Variants in RBFA observed in about 807,000 individuals in gnomAD.
RBFA encodes putative ribosome-binding factor A, mitochondrial.
In RBFA, 16 loss-of-function variants were observed where a neutral mutation model predicts 27.9. The ratio of observed to expected loss-of-function variants is 0.57; its 90% CI spans 0.39 to 0.87. RBFA has a LOEUF of 0.87. Among genes scored for constraint, RBFA ranks in the 40% least tolerant of loss-of-function variants. RBFA has a pLI of 0.00. For missense variants in RBFA, 456 were observed against 432.1 expected, an observed-to-expected ratio of 1.06 and a Z score of -0.49; for synonymous variants, 181 against 181.0, an observed-to-expected ratio of 1.00 and a Z score of 0.00.
At chr18:80,044,648 C>T (rs951930347) in intron 6 of RBFA, among the ~76,000 whole-genome samples, 1 of 152,222 alleles carries the variant, frequency 6.6e-6, no homozygotes, top group African/African-American at 2.4e-5. Context: ...GGGAGGCCGA[C>T]AGGAAGCAGT....
At position 80,046,351 on chromosome 18, in the gene RBFA, T is replaced by A. The variant is rs2052054388; in HGVS notation, c.*196T>A. 3.3e-6 allele frequency: 2 copies of A among 611,528 alleles called. No homozygotes were observed. The highest frequency in any genetic ancestry group is 6.4e-5 in the Admixed American group (2 of 31,284). The allele number at this position is 611,528 out of a possible 1,614,324, so 37.9% of individuals were successfully genotyped here. A position where few individuals can be genotyped will look rare whatever the true frequency, so the allele number is the denominator to read the frequency against. On this transcript the variant is annotated 3_prime_UTR_variant, in exon 7 of 7. Transcript: ENST00000306735. Reference sequence around the variant, plus strand: ...TTTTTTTCCATGCACTGTGTGTAATTTAAAAATTAAATGGCCATCTTATCA... The same window carrying A: ...TTTTTTTCCATGCACTGTGTGTAATATAAAAATTAAATGGCCATCTTATCA...
At chr18:80,043,447 C>T (rs548992329) in intron 5 of RBFA, among the ~76,000 whole-genome samples, 98 of 152,332 alleles carry the variant, frequency 6.4e-4, no homozygotes, top group African/African-American at 2.2e-3. Flanking sequence ...GAATCAGGGA[C>T]AGTTCAGGTC....
At position 80,037,425 on chromosome 18, in the gene RBFA, C is replaced by T. The variant is rs1002310232; in HGVS notation, c.297C>T (p.Leu99=). 1 of 1,613,990 alleles carries T rather than the reference C, an allele frequency of 6.2e-7. No individual in the cohort carries two copies. Among genetic ancestry groups the T allele is most frequent in the Non-Finnish European group, 8.5e-7 (1 of 1,180,028 alleles). Residue 99 remains leucine (L), a synonymous_variant, in exon 3 of 7, where the codon CTC becomes CTT. Transcript: ENST00000306735. ...CGCGCCTGAGGGCCCTGAACGGCCT[C>T]CTCTATAAGGCACTGACAGACCTGC... ...DHARLRALNG[L]LYKALTDLLC... is the part of the protein sequence containing the mutation.
In RBFA at chr18:80,048,420, A is replaced by G. The variant is rs1168234772; in HGVS notation, c.*2265A>G. 1.3e-5 allele frequency among the ~76,000 whole-genome samples: 2 copies of G among 152,210 alleles called. No homozygotes were observed. Among genetic ancestry groups the G allele is most frequent in the Non-Finnish European group, 2.9e-5 (2 of 68,038 alleles). ...GTGTCCTTTGCATACACACCTTTGC[A>G]TGCATCTGATGTGCCCAGGCTGTGT... On this transcript the variant is annotated 3_prime_UTR_variant, in exon 7 of 7. Transcript: ENST00000306735.
rs1190518854 is a variant in RBFA, at chr18:80,050,637, C to G, written c.*4482C>G. Among the ~76,000 whole-genome samples, 2 of 152,202 alleles carry G rather than the reference C, an allele frequency of 1.3e-5. No homozygotes were observed. Among genetic ancestry groups the G allele is most frequent in the East Asian group, 1.9e-4 (1 of 5,202 alleles). On this transcript the variant is annotated 3_prime_UTR_variant, in exon 7 of 7. Coordinates refer to ENST00000306735, the MANE Select transcript of RBFA (RefSeq NM_024805.3). ...GGCAAGATACTGAAATAAATTAATTCTGTATTTCTAAAAATAATTTCATAC... is the reference window on the plus strand; with the variant it reads ...GGCAAGATACTGAAATAAATTAATTGTGTATTTCTAAAAATAATTTCATAC...
At chr18:80,037,610 C>T in intron 3 of RBFA, 104 bp downstream of exon 3, 1 of 1,098,870 alleles carries the variant, frequency 9.1e-7, no homozygotes, top group Non-Finnish European at 1.3e-6. Context: ...ACGCTTTAGA[C>T]TGGGCGCGGT....
At chr18:80,042,243 TA>T in intron 5 of RBFA, 24 bp downstream of exon 5, 1 of 1,515,072 alleles carries the variant, frequency 6.6e-7, no homozygotes, top group Non-Finnish European at 8.9e-7. Flanking sequence ...AAAAACTTTT[TA>T]AAATTTAAAA....
rs1244961313 is a variant in RBFA, at chr18:80,034,516, G to T, written c.21G>T (p.Gly7=). ...GCGCCATGTGGGCTGCGGCGGGCGGGCTGTGGCGCTCCCGCGCGGGTCTCC... is the reference window on the plus strand; with the variant it reads ...GCGCCATGTGGGCTGCGGCGGGCGGTCTGTGGCGCTCCCGCGCGGGTCTCC... The part of the protein sequence containing the change: MWAAAG[G]LWRSRAGLRA... Residue 7 remains glycine, a synonymous_variant, in exon 1 of 7, where the codon GGG becomes GGT. Transcript: ENST00000306735. 5 of 1,584,758 alleles carry T rather than the reference G, an allele frequency of 3.2e-6. No individual in the cohort carries two copies. Among genetic ancestry groups the T allele is most frequent in the African/African-American group, 1.4e-5 (1 of 71,814 alleles).
In RBFA at chr18:80,034,552, C is replaced by A. The variant is rs776947267; in HGVS notation, c.57C>A (p.Phe19Leu). 16 of 1,608,432 alleles carry A rather than the reference C, an allele frequency of 9.9e-6. No homozygotes were observed. The highest frequency in any genetic ancestry group is 1.3e-5 in the Non-Finnish European group (15 of 1,178,912). Residue 19 changes from phenylalanine to leucine, a missense_variant, in exon 1 of 7, where the codon TTC becomes TTA. Transcript: ENST00000306735. ...WRSRAGLRAL[F>L]RSRDAALFPG... ...CCCGCGCGGGTCTCCGGGCCCTGTT[C>A]CGTAGCCGCGATGCTGCGCTATTTC...
rs1370909286 is a variant in RBFA, at chr18:80,044,239, T to C, written c.604T>C (p.Phe202Leu). The part of the protein sequence containing the change: ...ELDQLLAVAD[F>L]GPRDERDNFV... ...TGATCAGTTACTGGCAGTCGCAGAC[T>C]TTGGACCCCGGGATGAAAGAGACAA... Residue 202 changes from phenylalanine to leucine, a missense_variant, in exon 6 of 7, where the codon TTT (phenylalanine) becomes CTT (leucine). Physicochemically the swap from Phe to Leu is conservative, Grantham distance 22. Coordinates refer to ENST00000306735, the MANE Select transcript of RBFA (RefSeq NM_024805.3). 1.2e-6 allele frequency: 2 copies of C among 1,614,244 alleles called. No individual in the cohort carries two copies. Among genetic ancestry groups the C allele is most frequent in the Middle Eastern group, 1.6e-4 (1 of 6,062 alleles).
chr18:80,034,448 G>A lies in RBFA; in HGVS notation c.-48G>A. On this transcript the variant is annotated 5_prime_UTR_variant, in exon 1 of 7. Transcript: ENST00000306735. ...ACCCTCGCGTCAGTTGTCGCTCCGC[G>A]CCTGCGCCCGTTGTCTCCCTGCTCG... is the stretch of plus-strand genomic sequence containing the variant. 1.4e-6 allele frequency: 2 copies of A among 1,428,294 alleles called. No individual in the cohort carries two copies. The highest frequency in any genetic ancestry group is 3.4e-5 in the Admixed American group (1 of 29,498). The allele number at this position is 1,428,294 out of a possible 1,614,324, so 88.5% of individuals were successfully genotyped here. A position where few individuals can be genotyped will look rare whatever the true frequency, so the allele number is the denominator to read the frequency against.
Position 80,037,386 on chromosome 18 carries a change from G to A in RBFA, c.258G>A (p.Arg86=). 6.2e-7 allele frequency: 1 copy of A among 1,614,092 alleles called. No homozygotes were observed. Among genetic ancestry groups the A allele is most frequent in the Non-Finnish European group, 8.5e-7 (1 of 1,180,006 alleles). Residue 86 remains arginine (R), a synonymous_variant, in exon 3 of 7, where the codon AGG becomes AGA. Coordinates refer to ENST00000306735, the MANE Select transcript of RBFA (RefSeq NM_024805.3). ...TGAGGAGCACCTCAAAGAAAACCAGGAAGGAAGACCATGCGCGCCTGAGGG... is the reference window on the plus strand; with the variant it reads ...TGAGGAGCACCTCAAAGAAAACCAGAAAGGAAGACCATGCGCGCCTGAGGG... ...FLMRSTSKKT[R]KEDHARLRAL...
In RBFA at chr18:80,038,421, G is replaced by T. The variant is rs957514244; in HGVS notation, c.379-84G>T. 4 of 923,448 alleles carry T rather than the reference G, an allele frequency of 4.3e-6. No individual in the cohort carries two copies. In the African/African-American group the frequency reaches 5.0e-5, roughly 11 times the overall value. 57.2% of individuals were successfully genotyped at this position (923,448 alleles called of 1,614,324 possible). On this transcript the variant is annotated intron_variant, in intron 3 of 6. Transcript: ENST00000306735. ...GGCTTGGGTGGGAGGGGCGTCTGCAGCTGTCGTTTTCATCTCCTGGATGTT... is the reference window on the plus strand; with the variant it reads ...GGCTTGGGTGGGAGGGGCGTCTGCATCTGTCGTTTTCATCTCCTGGATGTT...
chr18:80,039,659 C>T (rs1279744475), intron 4 of RBFA, among the ~76,000 whole-genome samples: 1 of 152,236 alleles, frequency 6.6e-6, no homozygotes, highest in Non-Finnish European at 1.5e-5. Flanking sequence ...TTGACAACTT[C>T]TAGGTACTTG....
chr18:80,034,765 G>T (rs2051964319), intron 1 of RBFA, 112 bp downstream of exon 1: 2 of 1,381,390 alleles, frequency 1.4e-6, no homozygotes, highest in Non-Finnish European at 2.0e-6. Flanking sequence ...TAGCTCGCCA[G>T]TTCCTGCCTC....
At position 80,034,595 on chromosome 18, in the gene RBFA, C is replaced by G; in HGVS notation, c.100C>G (p.Leu34Val). 2 of 1,609,760 alleles carry G rather than the reference C, an allele frequency of 1.2e-6. No homozygotes were observed. Among genetic ancestry groups the G allele is most frequent in the Non-Finnish European group, 1.7e-6 (2 of 1,179,062 alleles). Residue 34 changes from leucine (L) to valine (V), a missense_variant, in exon 1 of 7, where the codon CTT becomes GTT. By Grantham distance (32) the Leu-to-Val change is conservative. Transcript: ENST00000306735. ...GCTATTTCCAGGCTGCGAGCGGGGA[C>G]TTCACTGCTCTGCTGTCTCCTGCAA... Reference protein sequence around the residue: ...AALFPGCERGLHCSAVSCKNW... With the variant: ...AALFPGCERGVHCSAVSCKNW...
In RBFA at chr18:80,038,535, CGA is replaced by C. The variant is rs2051996453; in HGVS notation, c.411_412del (p.Ala138ValfsTer9). 2.5e-6 allele frequency: 4 copies of C among 1,613,658 alleles called. No homozygotes were observed. In the Admixed American group the frequency reaches 6.7e-5, roughly 27 times the overall value. On this transcript the variant is annotated frameshift_variant, in exon 4 of 7. Coordinates refer to ENST00000306735, the MANE Select transcript of RBFA (RefSeq NM_024805.3). LOFTEE classifies it high-confidence loss of function. ...VSLTPDFSAC[R>X]AYWKTTLSAE... ...CCTGACTCCAGACTTCTCAGCCTGC[CGA>C]GCGTACTGGAAGACAACGCTCTCTG... is the stretch of plus-strand genomic sequence containing the variant.
At chr18:80,045,266 G>T (rs962262464) in intron 6 of RBFA, among the ~76,000 whole-genome samples, 1 of 143,600 alleles carries the variant, frequency 7.0e-6, no homozygotes, top group Non-Finnish European at 1.5e-5. Context: ...TCACTCTGTC[G>T]CCCAGGTTAG....
In RBFA at chr18:80,047,793, T is replaced by A. The variant is rs2052066706; in HGVS notation, c.*1638T>A. ...ACACCGTGAGCCAAATGTTTATCTCTAGGGTTTCTGGTAGCCAGTTGCGGG... is the reference window on the plus strand; with the variant it reads ...ACACCGTGAGCCAAATGTTTATCTCAAGGGTTTCTGGTAGCCAGTTGCGGG... On this transcript the variant is annotated 3_prime_UTR_variant, in exon 7 of 7. Transcript: ENST00000306735. 6.6e-6 allele frequency among the ~76,000 whole-genome samples: 1 copy of A among 152,188 alleles called. No individual in the cohort carries two copies. The highest frequency in any genetic ancestry group is 6.5e-5 in the Admixed American group (1 of 15,288).
Sources: gnomAD v4.1 joint callset for allele counts (sites outside exome capture counted in the v4.1 genomes callset) on GRCh38, gnomAD v4.1.1 for gene constraint, MANE v1.5 for transcripts, NCBI Gene and HGNC (gene_info 2026-07-23, HGNC 2026-07-21) for gene names.